Variants in DNAH6 observed in about 807,000 individuals in gnomAD.
The protein encoded by DNAH6 is axonemal beta dynein heavy chain 6.
In DNAH6, 340 loss-of-function variants were observed where a neutral mutation model predicts 491.4. That is an observed-to-expected ratio of 0.69 (90% CI 0.63 to 0.76). DNAH6 has a LOEUF of 0.76. DNAH6 is among the 30% of genes least tolerant of loss of function. The pLI is 0.00. For synonymous variants in DNAH6, 1,603 were observed against 1,686.1 expected (o/e 0.95, Z 1.21); for missense variants, 4,443 against 4,972.2 (o/e 0.89, Z 3.20).
intron 68 of DNAH6, among the ~76,000 whole-genome samples, chr2:84,793,850 AT>A (rs1678030524): frequency 6.6e-6 from 1 of 152,246 alleles, no homozygotes. Context: ...AGATAAAGAC[AT>A]TGCTGTCTTG....
At position 84,598,753 on chromosome 2, in the gene DNAH6, C is replaced by T. The variant is rs117332148; in HGVS notation, c.2868+2964C>T. On this transcript the variant is annotated intron_variant, in intron 18 of 76. Coordinates refer to ENST00000389394, the MANE Select transcript of DNAH6 (RefSeq NM_001370.2). Reference sequence around the variant, plus strand: ...GTGTCTTAAAATTGTCATAATTGGCCGGGCACGGTGGCTCATGCCTATAAT... The same window carrying T: ...GTGTCTTAAAATTGTCATAATTGGCTGGGCACGGTGGCTCATGCCTATAAT... Among the ~76,000 whole-genome samples, 22 of 152,144 alleles carry T rather than the reference C, an allele frequency of 1.4e-4. No homozygotes were observed. The East Asian group carries it at 2.9e-3, about 20-fold the overall frequency.
intron 1 of DNAH6, among the ~76,000 whole-genome samples, chr2:84,517,321 C>T (rs1675694110): frequency 6.6e-6 from 1 of 152,214 alleles, no homozygotes; most frequent in South Asian, 2.1e-4. Context: ...GATTGTCCTG[C>T]ACGTTAAAGC....
At chr2:84,642,741 T>C (rs1474777751) in intron 33 of DNAH6, among the ~76,000 whole-genome samples, 1 of 152,150 alleles carries the variant, frequency 6.6e-6, no homozygotes. Context: ...ATAACAATCG[T>C]ATTTCTCCCT....
intron 62 of DNAH6, among the ~76,000 whole-genome samples, chr2:84,740,632 AG>A (rs1672435396): frequency 6.6e-6 from 1 of 152,102 alleles, no homozygotes; most frequent in South Asian, 2.1e-4. Context: ...TTAGATCTCC[AG>A]GGGAGTGGAG....
At chr2:84,690,557 T>G (rs1333777577) in intron 45 of DNAH6, among the ~76,000 whole-genome samples, 1 of 152,238 alleles carries the variant, frequency 6.6e-6, no homozygotes, top group African/African-American at 2.4e-5. Context: ...CTATTTATAA[T>G]CTTTCTTACT....
intron 15 of DNAH6, among the ~76,000 whole-genome samples, chr2:84,585,702 C>A (rs1683470111): frequency 6.6e-6 from 1 of 152,100 alleles, no homozygotes. Context: ...CTACTCTCTG[C>A]AGCTGGTAGC....
intron 37 of DNAH6, among the ~76,000 whole-genome samples, chr2:84,663,724 T>A (rs1691777107): frequency 6.6e-6 from 1 of 152,108 alleles, no homozygotes; most frequent in Non-Finnish European, 1.5e-5. Context: ...AGGCCAACAT[T>A]CAGATTCAGG....
chr2:84,593,930 C>T (rs1031712207), intron 16 of DNAH6, 42 bp from the exon 17 acceptor site: 39 of 1,217,734 alleles, frequency 3.2e-5, no homozygotes, highest in Non-Finnish European at 4.6e-5. Flanking sequence ...CTCATTATAT[C>T]TGAAAACTAA....
chr2:84,815,575 T>A (rs542607673), intron 75 of DNAH6, among the ~76,000 whole-genome samples: 1 of 152,168 alleles, frequency 6.6e-6, no homozygotes, highest in Non-Finnish European at 1.5e-5. Flanking sequence ...ATATAATCTG[T>A]CTTCTAGGAG....
At chr2:84,742,633 G>A (rs1672633117) in intron 62 of DNAH6, among the ~76,000 whole-genome samples, 2 of 140,292 alleles carry the variant, frequency 1.4e-5, no homozygotes, top group South Asian at 4.4e-4. Context: ...TTTATTTTGG[G>A]CATATTTTTC....
intron 4 of DNAH6, among the ~76,000 whole-genome samples, chr2:84,530,494 C>T (rs913913268): frequency 6.6e-6 from 1 of 152,090 alleles, no homozygotes; most frequent in Non-Finnish European, 1.5e-5. Context: ...GTAGAGTGAA[C>T]AAGAGATAAA....
intron 44 of DNAH6, 43 bp downstream of exon 44, chr2:84,686,600 A>AT: frequency 8.8e-7 from 1 of 1,133,692 alleles, no homozygotes. Flanking sequence ...AAAATTGTAA[A>AT]GCATTTATTA....
chr2:84,720,489 G>A lies in DNAH6; in HGVS notation c.9792+2105G>A, dbSNP rs574678531. On this transcript the variant is annotated intron_variant, in intron 59 of 76. Coordinates refer to ENST00000389394, the MANE Select transcript of DNAH6 (RefSeq NM_001370.2). Reference sequence around the variant, plus strand: ...GAGACGGGGTTTCACCGTTTTAGCTGGGATGGTCTTGATCTCCTGACCTCG... The same window carrying A: ...GAGACGGGGTTTCACCGTTTTAGCTAGGATGGTCTTGATCTCCTGACCTCG... 4.2e-4 allele frequency among the ~76,000 whole-genome samples: 63 copies of A among 151,232 alleles called. No homozygotes were observed. The South Asian group carries it at 5.6e-3, about 14-fold the overall frequency.
intron 18 of DNAH6, among the ~76,000 whole-genome samples, chr2:84,601,997 A>G (rs761867179): frequency 3.3e-5 from 5 of 152,076 alleles, no homozygotes; most frequent in African/African-American, 4.8e-5. Flanking sequence ...TAAAGACCTT[A>G]TAATAGTACA....
At chr2:84,474,527 C>T in the DNAH6 span, among the ~76,000 whole-genome samples, 1 of 152,134 alleles carries the variant, frequency 6.6e-6, no homozygotes, top group Non-Finnish European at 1.5e-5. Flanking sequence ...TTTCCTAGTC[C>T]TTTTCCTGGG....
chr2:84,605,599 A>T lies in DNAH6; in HGVS notation c.3174+7A>T. 6.5e-7 allele frequency: 1 copy of T among 1,541,778 alleles called. No individual in the cohort carries two copies. Among genetic ancestry groups the T allele is most frequent in the Non-Finnish European group, 8.8e-7 (1 of 1,138,866 alleles). ...CGGCACAGATGACATACAGGTGGGT[A>T]ACTGGGTTATTGAAAACTTATGGTA... On this transcript the variant is annotated splice_region_variant and intron_variant, in intron 20 of 76. Transcript: ENST00000389394.
At chr2:84,682,557 C>T (rs540820606) in intron 42 of DNAH6, among the ~76,000 whole-genome samples, 1 of 152,120 alleles carries the variant, frequency 6.6e-6, no homozygotes, top group Admixed American at 6.5e-5. Context: ...AGTGTGCACC[C>T]TCAGGCATCC....
chr2:84,777,931 AC>A lies in DNAH6; in HGVS notation c.10704-3561del, dbSNP rs202074762. ...TCACGTTAGGCTGGACCAAATTAAG[AC>A]GGCTTTCTCCCTCTTGCTCACATGC... On this transcript the variant is annotated intron_variant, in intron 64 of 76. Transcript: ENST00000389394. 1,098 of 1,071,582 alleles carry A rather than the reference AC, an allele frequency of 1.0e-3. 25 individuals carry two copies. The East Asian group carries it at 0.023, about 23-fold the overall frequency. The allele number at this position is 1,071,582 out of a possible 1,614,324, so 66.4% of individuals were successfully genotyped here.
At chr2:84,464,862 A>C in the DNAH6 span, among the ~76,000 whole-genome samples, 5 of 152,086 alleles carry the variant, frequency 3.3e-5, no homozygotes, top group African/African-American at 1.2e-4. Flanking sequence ...GTAACTTAGA[A>C]TGCCTTAAGT....
Sources: gnomAD v4.1 joint callset for allele counts (sites outside exome capture counted in the v4.1 genomes callset) on GRCh38, gnomAD v4.1.1 for gene constraint, MANE v1.5 for transcripts, NCBI Gene and HGNC (gene_info 2026-07-23, HGNC 2026-07-21) for gene names.